TFAP2B: variants seen among roughly 807,000 people sequenced by gnomAD.
TFAP2B encodes transcription factor AP-2-beta.
A neutral mutation model predicts 44.3 loss-of-function variants in TFAP2B; 9 were observed. The ratio of observed to expected loss-of-function variants is 0.20; its 90% CI spans 0.12 to 0.35. The LOEUF (loss-of-function observed/expected upper bound fraction) is 0.35. TFAP2B is among the 10% of genes least tolerant of loss of function. The probability of loss-of-function intolerance (pLI) is 1.00; values close to 1 mark genes in which losing one functional copy is unlikely to be tolerated. For synonymous variants in TFAP2B, 270 were observed against 263.8 expected (o/e 1.02, Z -0.23); for missense variants, 509 against 600.0 (o/e 0.85, Z 1.59).
At chr6:50,827,207 T>C (rs1770553650) in intron 2 of TFAP2B, among the ~76,000 whole-genome samples, 1 of 152,214 alleles carries the variant, frequency 6.6e-6, no homozygotes, top group Non-Finnish European at 1.5e-5. Context: ...CCTGGACACA[T>C]TGTCACTGTA....
intron 6 of TFAP2B, among the ~76,000 whole-genome samples, chr6:50,842,825 C>T (rs913035185): frequency 2.1e-4 from 32 of 152,296 alleles, no homozygotes; most frequent in African/African-American, 7.5e-4. Context: ...TCCAGGCGGT[C>T]CTGGAATGGA....
At chr6:50,839,406 T>C (rs1457506503) in intron 5 of TFAP2B, among the ~76,000 whole-genome samples, 1 of 152,206 alleles carries the variant, frequency 6.6e-6, no homozygotes, top group Non-Finnish European at 1.5e-5. Context: ...GTTTTTCATG[T>C]ATGGGATCTG....
chr6:50,837,879 C>A, intron 4 of TFAP2B, 96 bp from the exon 5 acceptor site: 1 of 996,756 alleles, frequency 1.0e-6, no homozygotes. Flanking sequence ...CAAGTTAAAA[C>A]CTCTTCAAGC....
Position 50,823,425 on chromosome 6 carries a change from C to A in TFAP2B, c.100C>A (p.Pro34Thr). The A allele has an allele frequency of 6.2e-7, 1 of 1,600,156 alleles. No homozygotes were observed. Among genetic ancestry groups the A allele is most frequent in the South Asian group, 1.1e-5 (1 of 88,932 alleles). ...CTCCCAGGACCGGCACGATGGTGTC[C>A]CGAGCCACAGCTCGCGGCTCTCCCA... ...DIYEDRHDGVPSHSSRLSQLG... is the reference protein window; with the variant it reads ...DIYEDRHDGVTSHSSRLSQLG... Residue 34 changes from proline (P) to threonine (T), a missense_variant, in exon 2 of 7, where the codon CCG becomes ACG. By Grantham distance (38) the Pro-to-Thr change is conservative (BLOSUM62 -1). Around this residue, in one of 3 missense-constraint regions of TFAP2B, gnomAD observed 296 missense variants for 308.2 expected, o/e 0.96. Coordinates refer to ENST00000393655, the MANE Select transcript of TFAP2B (RefSeq NM_003221.4).
chr6:50,840,126 G>T, intron 5 of TFAP2B, 30 bp from the exon 6 acceptor site: 1 of 1,613,518 alleles, frequency 6.2e-7, no homozygotes, highest in Non-Finnish European at 8.5e-7. Context: ...CCTGGGTGCT[G>T]ATTATTACCT....
At chr6:50,834,293 C>A (rs1006991825) in intron 3 of TFAP2B, among the ~76,000 whole-genome samples, 1 of 152,200 alleles carries the variant, frequency 6.6e-6, no homozygotes, top group Non-Finnish European at 1.5e-5. Context: ...AAAGAAGGAA[C>A]ACCTCTCTAT....
chr6:50,846,362 A>G lies in TFAP2B; in HGVS notation c.*2970A>G, dbSNP rs753741324. 8 of 152,644 alleles carry G rather than the reference A, an allele frequency of 5.2e-5. No homozygotes were observed. The highest frequency in any genetic ancestry group is 2.6e-4 in the Admixed American group (4 of 15,284). 9.5% of individuals were successfully genotyped at this position (152,644 alleles called of 1,614,324 possible). A position where few individuals can be genotyped will look rare whatever the true frequency, so the allele number is the denominator to read the frequency against. ...GTTTCCTTGGGCCTATAAATCAATAAACAGTAGGATTAACGCAATAGTTTG... is the reference window on the plus strand; with the variant it reads ...GTTTCCTTGGGCCTATAAATCAATAGACAGTAGGATTAACGCAATAGTTTG... On this transcript the variant is annotated 3_prime_UTR_variant, in exon 7 of 7. Coordinates refer to ENST00000393655, the MANE Select transcript of TFAP2B (RefSeq NM_003221.4).
chr6:50,830,400 C>A, intron 3 of TFAP2B: 2 of 650,626 alleles, frequency 3.1e-6, no homozygotes, highest in Middle Eastern at 7.8e-4. Flanking sequence ...ATATGTTTGT[C>A]AGTGAAATGT....
intron 3 of TFAP2B, among the ~76,000 whole-genome samples, chr6:50,829,904 T>A (rs1242866010): frequency 1.3e-5 from 2 of 152,176 alleles, no homozygotes; most frequent in Admixed American, 6.5e-5. Flanking sequence ...TAAAGTATAG[T>A]AAGGTTTGGG....
At position 50,847,364 on chromosome 6, in the gene TFAP2B, A is replaced by C. The variant is rs934526482; in HGVS notation, c.*3972A>C. The C allele has an allele frequency of 1.3e-5, 2 of 152,576 alleles. No homozygotes were observed. The highest frequency in any genetic ancestry group is 1.9e-4 in the East Asian group (1 of 5,188). 9.5% of individuals were successfully genotyped at this position (152,576 alleles called of 1,614,324 possible). Reference sequence around the variant, plus strand: ...AGAGCTCTGGAGGGTATTCATGTTAAGTTTGTATATATTTATTTATGCTTA... The same window carrying C: ...AGAGCTCTGGAGGGTATTCATGTTACGTTTGTATATATTTATTTATGCTTA... On this transcript the variant is annotated 3_prime_UTR_variant, in exon 7 of 7. Transcript: ENST00000393655.
At chr6:50,830,365 G>A in intron 3 of TFAP2B, 1 of 939,558 alleles carries the variant, frequency 1.1e-6, no homozygotes, top group Non-Finnish European at 1.3e-6. Flanking sequence ...TCTTAGATGT[G>A]GGATGCTTTG....
rs982607607 is a variant in TFAP2B, at chr6:50,843,847, T to C, written c.*455T>C. The C allele has an allele frequency of 1.2e-5, 2 of 164,906 alleles. No homozygotes were observed. Among genetic ancestry groups the C allele is most frequent in the East Asian group, 3.6e-4 (2 of 5,498 alleles). The allele number at this position is 164,906 out of a possible 1,614,324, so 10.2% of individuals were successfully genotyped here. A position where few individuals can be genotyped will look rare whatever the true frequency, so the allele number is the denominator to read the frequency against. On this transcript the variant is annotated 3_prime_UTR_variant, in exon 7 of 7. Transcript: ENST00000393655. Reference sequence around the variant, plus strand: ...TTTTAAATATATTTTTAGGAAACTCTCGCAGTCCCCGCCCTCCATCTCACC... The same window carrying C: ...TTTTAAATATATTTTTAGGAAACTCCCGCAGTCCCCGCCCTCCATCTCACC...
intron 2 of TFAP2B, among the ~76,000 whole-genome samples, chr6:50,826,586 C>CGCGT (rs146851603): frequency 2.3e-4 from 34 of 149,636 alleles, no homozygotes; most frequent in South Asian, 8.5e-4. Context: ...CGCGCGCGCG[C>CGCGT]GTGTGTGTGT....
At chr6:50,828,218 G>T (rs565951429) in intron 2 of TFAP2B, among the ~76,000 whole-genome samples, 1 of 152,278 alleles carries the variant, frequency 6.6e-6, no homozygotes, top group South Asian at 2.1e-4. Context: ...TTGTAAAATG[G>T]CTCTGGGGTT....
At chr6:50,824,292 G>T (rs2113930993) in intron 2 of TFAP2B, among the ~76,000 whole-genome samples, 1 of 152,272 alleles carries the variant, frequency 6.6e-6, no homozygotes, top group African/African-American at 2.4e-5. Flanking sequence ...GTGAAGACCT[G>T]GCTGCCTAGA....
At chr6:50,821,592 G>T (rs571509064) in intron 1 of TFAP2B, among the ~76,000 whole-genome samples, 2 of 152,216 alleles carry the variant, frequency 1.3e-5, no homozygotes, top group South Asian at 2.1e-4. Flanking sequence ...TTGAAGTTCT[G>T]CCTCTTTCCT....
Position 50,818,897 on chromosome 6 carries a change from C to T in TFAP2B, c.6C>T (p.His2=). The T allele has an allele frequency of 6.2e-7, 1 of 1,614,022 alleles. No homozygotes were observed. The highest frequency in any genetic ancestry group is 8.5e-7 in the Non-Finnish European group (1 of 1,179,992). The change falls in exon 1 of 7, where the codon CAC becomes CAT. Residue 2 remains histidine, a synonymous_variant. Transcript: ENST00000393655. ...GACATCTGCTCCTCACATGAATGCA[C>T]TCACCTCCTAGAGACCAGGCTGCCA... M[H]SPPRDQAAIM... is the part of the protein sequence containing the mutation.
At chr6:50,830,151 T>C (rs148356059) in intron 3 of TFAP2B, 90 of 231,750 alleles carry the variant, frequency 3.9e-4, no homozygotes, top group African/African-American at 1.9e-3. Flanking sequence ...GCTTCTCCAT[T>C]GGCTTTTTTC....
At chr6:50,820,928 AAG>A (rs1324544101) in intron 1 of TFAP2B, among the ~76,000 whole-genome samples, 1 of 151,546 alleles carries the variant, frequency 6.6e-6, no homozygotes, top group African/African-American at 2.4e-5. Flanking sequence ...GAGAAGAGAA[AAG>A]AGGGGAGGGA....
Sources: allele counts gnomAD v4.1 joint callset (sites outside exome capture counted in the v4.1 genomes callset), GRCh38; gene constraint gnomAD v4.1.1; regional missense constraint gnomAD v4.1.1; transcripts MANE v1.5; gene names NCBI Gene and HGNC (gene_info 2026-07-23, HGNC 2026-07-21).